The following PTPRD variants were observed in gnomAD, a reference collection of about 807,000 sequenced individuals.
The protein encoded by PTPRD is receptor-type tyrosine-protein phosphatase delta.
A neutral mutation model predicts 214.5 loss-of-function variants in PTPRD; 34 were observed. The observed-to-expected ratio is 0.16, with a 90% CI of 0.12 to 0.21. The LOEUF is 0.21. PTPRD is among the 10% of genes least tolerant of loss of function. The pLI, the probability that PTPRD is intolerant of heterozygous loss-of-function variation, is 1.00. For missense variants in PTPRD, 2,545 were observed against 2,398.7 expected (o/e 1.06, Z -1.27); for synonymous variants, 1,128 against 845.7 (o/e 1.33, Z -5.79).
At chr9:8,857,829 C>T (rs1050564670) in intron 11 of PTPRD, 6 of 156,754 alleles carry the variant, frequency 3.8e-5, no homozygotes, top group South Asian at 1.7e-4. Flanking sequence ...GTGCGGCCAG[C>T]CCAGTCCAGA....
Position 8,521,371 on chromosome 9 carries a change from T to C in PTPRD, c.867A>G (p.Leu289=), listed in dbSNP as rs767380817. 3.1e-6 allele frequency: 5 copies of C among 1,614,036 alleles called. No homozygotes were observed. The highest frequency in any genetic ancestry group is 1.1e-5 in the South Asian group (1 of 91,084). Residue 289 remains leucine (L), a synonymous_variant, in exon 20 of 46, where the codon CTA becomes CTG. Coordinates refer to ENST00000381196, the MANE Select transcript of PTPRD (RefSeq NM_002839.4). ...EDDMPIGRNV[L]ELNDVRQSAN... Reference sequence around the variant, plus strand: ...CTGACTGTCTTACATCATTCAGTTCTAGCACATTTCTTCCTATTGGCATAT... The same window carrying C: ...CTGACTGTCTTACATCATTCAGTTCCAGCACATTTCTTCCTATTGGCATAT...
chr9:10,460,418 C>T (rs1459527852), intron 2 of PTPRD, among the ~76,000 whole-genome samples: 1 of 150,610 alleles, frequency 6.6e-6, no homozygotes, highest in East Asian at 1.9e-4. Flanking sequence ...TCTTGAATAG[C>T]CAAAACAATT....
In PTPRD at chr9:10,043,019, C is replaced by T. The variant is rs559065122; in HGVS notation, c.-544-9229G>A. Among the ~76,000 whole-genome samples, 49 of 151,996 alleles carry T rather than the reference C, an allele frequency of 3.2e-4. 1 individual carries two copies. In the South Asian group the frequency reaches 9.7e-3, roughly 30 times the overall value. ...ACTTGAGTTCTAATCTGAGTTCTAACACAAATCAAATGTAGTCATTCATTG... is the reference window on the plus strand; with the variant it reads ...ACTTGAGTTCTAATCTGAGTTCTAATACAAATCAAATGTAGTCATTCATTG... On this transcript the variant is annotated intron_variant, in intron 3 of 45. Coordinates refer to ENST00000381196, the MANE Select transcript of PTPRD (RefSeq NM_002839.4).
chr9:8,814,862 C>T (rs2096888360), intron 11 of PTPRD, among the ~76,000 whole-genome samples: 1 of 152,158 alleles, frequency 6.6e-6, no homozygotes, highest in Admixed American at 6.5e-5. Flanking sequence ...GGAGTACTTC[C>T]ATGGTTGAAA....
chr9:9,068,707 G>A (rs2154406889), intron 10 of PTPRD, among the ~76,000 whole-genome samples: 1 of 152,144 alleles, frequency 6.6e-6, no homozygotes, highest in South Asian at 2.1e-4. Context: ...CGTCTCCCTG[G>A]TTCCAGCAAT....
intron 3 of PTPRD, among the ~76,000 whole-genome samples, chr9:10,146,482 C>T (rs1462370084): frequency 1.3e-5 from 2 of 152,028 alleles, no homozygotes; most frequent in Admixed American, 6.6e-5. Context: ...CTCCAGGAAT[C>T]GGTTGAAATT....
At chr9:9,513,587 C>CA (rs372652675) in intron 8 of PTPRD, among the ~76,000 whole-genome samples, 2,522 of 113,388 alleles carry the variant, frequency 0.022, 48 homozygotes, top group African/African-American at 0.068. Flanking sequence ...AGATATATAA[C>CA]AAAAAAAAAA....
chr9:9,557,907 C>G (rs1448899076), intron 8 of PTPRD, among the ~76,000 whole-genome samples: 1 of 152,300 alleles, frequency 6.6e-6, no homozygotes, highest in East Asian at 1.9e-4. Flanking sequence ...AGCTCTCTTA[C>G]ACAGCTTACT....
At chr9:9,340,608 TAC>T (rs1158088415) in intron 9 of PTPRD, among the ~76,000 whole-genome samples, 2 of 152,158 alleles carry the variant, frequency 1.3e-5, no homozygotes, top group African/African-American at 4.8e-5. Context: ...TGTGAGTTAA[TAC>T]AGAGTACGGA....
chr9:8,456,474 C>T (rs1447108754), intron 33 of PTPRD, among the ~76,000 whole-genome samples: 2 of 152,076 alleles, frequency 1.3e-5, no homozygotes, highest in Non-Finnish European at 2.9e-5. Context: ...AAAGGCATTC[C>T]TAACCTAGGG....
chr9:9,088,913 G>A (rs1055162218), intron 10 of PTPRD, among the ~76,000 whole-genome samples: 1 of 152,112 alleles, frequency 6.6e-6, no homozygotes, highest in Admixed American at 6.5e-5. Context: ...TAGATTTTCT[G>A]TATTAAATGA....
chr9:8,364,577 G>C (rs949916902), intron 39 of PTPRD, among the ~76,000 whole-genome samples: 5 of 152,192 alleles, frequency 3.3e-5, no homozygotes, highest in African/African-American at 7.2e-5. Context: ...AGATACACAA[G>C]GCAGCCACTG....
Position 8,507,381 on chromosome 9 carries a change from A to C in PTPRD, c.1597T>G (p.Leu533Val), listed in dbSNP as rs766169151. The change falls in exon 22 of 46, where the codon TTG becomes GTG. Residue 533 changes from leucine (L) to valine (V), a missense_variant. Transcript: ENST00000381196. Reference protein sequence around the residue: ...KAEPESETSILLSWTPPRSDT... With the variant: ...KAEPESETSIVLSWTPPRSDT... ...GAACGTGGAGGTGTCCAAGAGAGCA[A>C]AATACTTGTTTCAGACTCAGGTTCT... 2 of 1,614,032 alleles carry C rather than the reference A, an allele frequency of 1.2e-6. No individual in the cohort carries two copies. Among genetic ancestry groups the C allele is most frequent in the South Asian group, 1.1e-5 (1 of 91,080 alleles).
At chr9:8,900,735 A>T (rs1195805745) in intron 11 of PTPRD, among the ~76,000 whole-genome samples, 1 of 152,216 alleles carries the variant, frequency 6.6e-6, no homozygotes, top group Non-Finnish European at 1.5e-5. Flanking sequence ...TGTAGTGAAT[A>T]AACCAAATTA....
intron 3 of PTPRD, among the ~76,000 whole-genome samples, chr9:10,185,789 T>C (rs1009153351): frequency 6.6e-6 from 1 of 151,988 alleles, no homozygotes; most frequent in African/African-American, 2.4e-5. Context: ...CATATGAGGG[T>C]TGTGACCTAA....
intron 2 of PTPRD, among the ~76,000 whole-genome samples, chr9:10,507,814 A>C (rs894375141): frequency 5.3e-5 from 8 of 152,182 alleles, no homozygotes; most frequent in Non-Finnish European, 5.9e-5. Flanking sequence ...TGGATTAAAG[A>C]CTTAAATGTT....
intron 7 of PTPRD, among the ~76,000 whole-genome samples, chr9:9,691,823 G>C (rs1242128596): frequency 6.6e-6 from 1 of 152,038 alleles, no homozygotes; most frequent in Non-Finnish European, 1.5e-5. Flanking sequence ...CATTTTAGCT[G>C]AGGTGAATGG....
intron 9 of PTPRD, among the ~76,000 whole-genome samples, chr9:9,183,588 A>C (rs544652052): frequency 6.6e-6 from 1 of 152,158 alleles, no homozygotes; most frequent in Admixed American, 6.6e-5. Flanking sequence ...TTCACAGGCT[A>C]TAAAGCAGAA....
chr9:9,374,059 G>C (rs891215304), intron 9 of PTPRD, among the ~76,000 whole-genome samples: 2 of 151,592 alleles, frequency 1.3e-5, no homozygotes, highest in Non-Finnish European at 2.9e-5. Context: ...AATAAATTAA[G>C]AAAAATGGTA....
Sources: gnomAD v4.1 joint callset for allele counts (sites outside exome capture counted in the v4.1 genomes callset) on GRCh38, gnomAD v4.1.1 for gene constraint, MANE v1.5 for transcripts, NCBI Gene and HGNC (gene_info 2026-07-23, HGNC 2026-07-21) for gene names.